The following F2R variants were observed in gnomAD, a reference collection of about 807,000 sequenced individuals.
F2R encodes the protein coagulation factor II thrombin receptor.
Under a neutral mutation model 18.3 loss-of-function variants are expected in F2R, and 12 were observed. The ratio of observed to expected loss-of-function variants is 0.66; its 90% CI spans 0.42 to 1.06. The LOEUF (loss-of-function observed/expected upper bound fraction) is 1.06, where lower values mean the gene tolerates loss of function less well. Ranked by LOEUF, F2R falls within the 50% of genes least tolerant of loss-of-function variation. The pLI, the probability that F2R is intolerant of heterozygous loss-of-function variation, is 0.00. For missense variants in F2R, 438 were observed against 530.8 expected, an observed-to-expected ratio of 0.83 and a Z score of 1.72; for synonymous variants, 210 against 219.9, an observed-to-expected ratio of 0.95 and a Z score of 0.40.
intron 1 of F2R, among the ~76,000 whole-genome samples, chr5:76,729,136 T>G (rs1294884872): frequency 9.9e-5 from 15 of 152,240 alleles, no homozygotes; most frequent in Admixed American, 9.8e-4. Flanking sequence ...TCAGTATAGA[T>G]GGGCTTCCTT....
At chr5:76,716,970 A>C (rs891281092) in intron 1 of F2R, among the ~76,000 whole-genome samples, 19 of 152,134 alleles carry the variant, frequency 1.2e-4, no homozygotes, top group African/African-American at 4.3e-4. Context: ...TGCGAGATAT[A>C]TGGTGACAAT....
intron 1 of F2R, among the ~76,000 whole-genome samples, chr5:76,718,551 G>A (rs2227753): frequency 0.032 from 4,912 of 152,278 alleles, 207 homozygotes; most frequent in African/African-American, 0.088. Context: ...AGCACTTCCC[G>A]ACTTTTTGTT....
intron 1 of F2R, among the ~76,000 whole-genome samples, chr5:76,723,385 T>G (rs923783518): frequency 6.6e-6 from 1 of 152,232 alleles, no homozygotes; most frequent in African/African-American, 2.4e-5. Flanking sequence ...TGGGCAGACC[T>G]AGGTTCAAAC....
At chr5:76,731,303 C>A (rs1748663299) in intron 1 of F2R, among the ~76,000 whole-genome samples, 1 of 152,042 alleles carries the variant, frequency 6.6e-6, no homozygotes, top group African/African-American at 2.4e-5. Context: ...TATTAATTTG[C>A]CTCTAACTCC....
At chr5:76,732,284 A>G (rs1348102072) in intron 1 of F2R, 30 bp from the exon 2 acceptor site, 1 of 1,529,404 alleles carries the variant, frequency 6.5e-7, no homozygotes, top group African/African-American at 1.4e-5. Flanking sequence ...CACTTTTTAC[A>G]TTTAAAATTT....
chr5:76,729,697 G>A (rs1249258825), intron 1 of F2R, among the ~76,000 whole-genome samples: 1 of 152,148 alleles, frequency 6.6e-6, no homozygotes, highest in Non-Finnish European at 1.5e-5. Flanking sequence ...GAGAGAAGGG[G>A]GACAAGACGT....
chr5:76,731,569 G>A (rs575892435), intron 1 of F2R, among the ~76,000 whole-genome samples: 10 of 148,718 alleles, frequency 6.7e-5, no homozygotes, highest in South Asian at 2.1e-4. Context: ...TCACTCTGTC[G>A]CCCAGGTTGG....
Position 76,728,416 on chromosome 5 carries a change from C to T in F2R, c.89-3898C>T, listed in dbSNP as rs527361121. Among the ~76,000 whole-genome samples, 15 of 152,264 alleles carry T rather than the reference C, an allele frequency of 9.9e-5. No individual in the cohort carries two copies. The South Asian group carries it at 1.4e-3, about 15-fold the overall frequency. On this transcript the variant is annotated intron_variant, in intron 1 of 1. Transcript: ENST00000319211. Reference sequence around the variant, plus strand: ...CTGCTTCCATGAGTTCAACTGTTTTCGATTCCACATATAAGTGAAATCATG... The same window carrying T: ...CTGCTTCCATGAGTTCAACTGTTTTTGATTCCACATATAAGTGAAATCATG...
In F2R at chr5:76,733,579, C is replaced by T. The variant is rs1748725637; in HGVS notation, c.*76C>T. The T allele has an allele frequency of 6.7e-6, 8 of 1,189,856 alleles. No homozygotes were observed. The South Asian group carries it at 1.1e-4, about 17-fold the overall frequency. The allele number at this position is 1,189,856 out of a possible 1,614,324, so 73.7% of individuals were successfully genotyped here. On this transcript the variant is annotated 3_prime_UTR_variant, in exon 2 of 2. Transcript: ENST00000319211. The stretch of plus-strand genomic sequence containing the variant: ...CCTGAGGATTCTATTAGTCCCCACC[C>T]AAACTTTATTGATTCACCTCCTAAA...
chr5:76,732,893 G>C lies in F2R; in HGVS notation c.668G>C (p.Cys223Ser), dbSNP rs780463885. Residue 223 changes from cysteine to serine, a missense_variant, in exon 2 of 2, where the codon TGT becomes TCT. Cys to Ser is a moderately radical substitution (Grantham distance 112). Transcript: ENST00000319211. ...WRTLGRASFT[C>S]LAIWALAIAG... ...ACTCTGGGAAGGGCTTCCTTCACTT[G>C]TCTGGCCATCTGGGCTTTGGCCATC... is the stretch of plus-strand genomic sequence containing the variant. The C allele has an allele frequency of 5.5e-5, 89 of 1,614,048 alleles. No homozygotes were observed. The highest frequency in any genetic ancestry group is 1.6e-4 in the Middle Eastern group (1 of 6,082).
chr5:76,724,759 C>T (rs1580891079), intron 1 of F2R, among the ~76,000 whole-genome samples: 1 of 152,192 alleles, frequency 6.6e-6, no homozygotes, highest in East Asian at 1.9e-4. Flanking sequence ...TTGACTCCAG[C>T]GTCTTTTTGA....
rs1334993977 is a variant in F2R, at chr5:76,735,242, G to C, written c.*1739G>C. 6.6e-6 allele frequency: 1 copy of C among 152,244 alleles called. No homozygotes were observed. Among genetic ancestry groups the C allele is most frequent in the African/African-American group, 2.4e-5 (1 of 41,458 alleles). The allele number at this position is 152,244 out of a possible 1,614,324, so 9.4% of individuals were successfully genotyped here. On this transcript the variant is annotated 3_prime_UTR_variant, in exon 2 of 2. Transcript: ENST00000319211. ...TAATCCCAGCACTTTGGGAGGCTGAGGCGGGTGGATCACGAGGTCAGGAGA... is the reference window on the plus strand; with the variant it reads ...TAATCCCAGCACTTTGGGAGGCTGACGCGGGTGGATCACGAGGTCAGGAGA...
Position 76,733,083 on chromosome 5 carries a change from C to T in F2R, c.858C>T (p.Ser286=), listed in dbSNP as rs1472490141. The T allele has an allele frequency of 6.2e-7, 1 of 1,614,172 alleles. No homozygotes were observed. The highest frequency in any genetic ancestry group is 8.5e-7 in the Non-Finnish European group (1 of 1,180,038). Residue 286 remains serine, a synonymous_variant, in exon 2 of 2, where the codon TCC becomes TCT. Transcript: ENST00000319211. ...AVFFFVPLII[S]TVCYVSIIRC... is the part of the protein sequence containing the mutation. ...TCTTTTTTGTGCCGCTGATCATTTC[C>T]ACGGTCTGTTATGTGTCTATCATTC...
chr5:76,728,498 C>T (rs1182934742), intron 1 of F2R, among the ~76,000 whole-genome samples: 1 of 152,144 alleles, frequency 6.6e-6, no homozygotes. Flanking sequence ...CCTCTCGGCT[C>T]ATCCATGTTG....
chr5:76,717,132 G>A (rs889341079), intron 1 of F2R, among the ~76,000 whole-genome samples: 1 of 152,200 alleles, frequency 6.6e-6, no homozygotes, highest in African/African-American at 2.4e-5. Flanking sequence ...TTCTTAACGA[G>A]ATTTCTGATC....
Position 76,725,465 on chromosome 5 carries a change from C to T in F2R, c.89-6849C>T, listed in dbSNP as rs546233218. The stretch of plus-strand genomic sequence containing the variant: ...GATGAATGATAAGAGATTTGGGCAC[C>T]TTCACAAGCACTTTCTCCTTGACCT... On this transcript the variant is annotated intron_variant, in intron 1 of 1. Coordinates refer to ENST00000319211, the MANE Select transcript of F2R (RefSeq NM_001992.5). Among the ~76,000 whole-genome samples the T allele has an allele frequency of 8.5e-5, 13 of 152,062 alleles. No individual in the cohort carries two copies. The East Asian group carries it at 2.5e-3, about 29-fold the overall frequency.
At position 76,732,554 on chromosome 5, in the gene F2R, C is replaced by T. The variant is rs748898977; in HGVS notation, c.329C>T (p.Thr110Ile). 4 of 1,614,208 alleles carry T rather than the reference C, an allele frequency of 2.5e-6. No homozygotes were observed. The highest frequency in any genetic ancestry group is 2.5e-6 in the Non-Finnish European group (3 of 1,180,038). ...ACACTCTTTGTCCCATCTGTGTACACCGGAGTGTTTGTAGTCAGCCTCCCA... is the reference window on the plus strand; with the variant it reads ...ACACTCTTTGTCCCATCTGTGTACATCGGAGTGTTTGTAGTCAGCCTCCCA... Reference protein sequence around the residue: ...WLTLFVPSVYTGVFVVSLPLN... With the variant: ...WLTLFVPSVYIGVFVVSLPLN... Residue 110 changes from threonine (T) to isoleucine (I), a missense_variant, in exon 2 of 2, where the codon ACC becomes ATC. Coordinates refer to ENST00000319211, the MANE Select transcript of F2R (RefSeq NM_001992.5).
At chr5:76,721,073 C>G (rs1439273249) in intron 1 of F2R, among the ~76,000 whole-genome samples, 5 of 152,218 alleles carry the variant, frequency 3.3e-5, no homozygotes, top group Admixed American at 3.3e-4. Context: ...TCCCAAAGTG[C>G]TGGAATTCTA....
At chr5:76,726,264 G>T (rs1748551261) in intron 1 of F2R, among the ~76,000 whole-genome samples, 1 of 152,048 alleles carries the variant, frequency 6.6e-6, no homozygotes, top group South Asian at 2.1e-4. Flanking sequence ...GGGCGCGGTG[G>T]CTCACACCTG....
Sources: gnomAD v4.1 joint callset for allele counts (sites outside exome capture counted in the v4.1 genomes callset) on GRCh38, gnomAD v4.1.1 for gene constraint, MANE v1.5 for transcripts, NCBI Gene and HGNC (gene_info 2026-07-23, HGNC 2026-07-21) for gene names.